The following CARMIL3 variants were observed in gnomAD, a reference collection of about 807,000 sequenced individuals.
CARMIL3 encodes capping protein, Arp2/3 and myosin-I linker protein 3.
Under a neutral mutation model 180.8 loss-of-function variants are expected in CARMIL3, and 88 were observed. The observed-to-expected ratio is 0.49, with a 90% CI of 0.41 to 0.58. CARMIL3 has a LOEUF of 0.58. Among genes scored for constraint, CARMIL3 ranks in the 20% least tolerant of loss-of-function variants. CARMIL3 has a pLI of 0.00. For synonymous variants in CARMIL3, 696 were observed against 714.5 expected (o/e 0.97, Z 0.41); for missense variants, 1,548 against 1,787.0 (o/e 0.87, Z 2.41).
At chr14:24,066,358 A>G (rs1566543485) in intron 34 of CARMIL3, 40 bp from the exon 35 acceptor site, 3 of 1,607,984 alleles carry the variant, frequency 1.9e-6, no homozygotes, top group Non-Finnish European at 2.6e-6. Flanking sequence ...GTCCTGCCAC[A>G]GAGGAGACTT....
chr14:24,062,903 C>T lies in CARMIL3; in HGVS notation c.2706+57C>T, dbSNP rs138299616. On this transcript the variant is annotated intron_variant, in intron 29 of 39. Transcript: ENST00000342740. ...AACCTGGGCCCTGCCCTTAAACCTG[C>T]ACAACACTGTCCCCTTCCACTGATC... The T allele has an allele frequency of 1.4e-4, 221 of 1,564,974 alleles. 1 individual carries two copies. The African/African-American group carries it at 2.6e-3, about 19-fold the overall frequency.
intron 33 of CARMIL3, 95 bp downstream of exon 33, chr14:24,065,368 G>C (rs2035776268): frequency 1.6e-6 from 2 of 1,245,412 alleles, no homozygotes; most frequent in Non-Finnish European, 1.1e-6. Flanking sequence ...GAGAATGCTA[G>C]GACCCAGGGT....
chr14:24,056,267 T>G (rs775482849), intron 10 of CARMIL3, 32 bp from the exon 11 acceptor site: 2 of 1,588,280 alleles, frequency 1.3e-6, no homozygotes, highest in South Asian at 2.2e-5. Flanking sequence ...GGGGCTCAGC[T>G]CAGGACAAAT....
At position 24,054,558 on chromosome 14, in the gene CARMIL3, A is replaced by T; in HGVS notation, c.362+47A>T. The T allele has an allele frequency of 6.4e-7, 1 of 1,563,554 alleles. No homozygotes were observed. Among genetic ancestry groups the T allele is most frequent in the African/African-American group, 1.4e-5 (1 of 74,016 alleles). On this transcript the variant is annotated intron_variant, in intron 5 of 39. Coordinates refer to ENST00000342740, the MANE Select transcript of CARMIL3 (RefSeq NM_138360.4). The surrounding 1 kb of genome is among the most constrained non-coding windows in gnomAD (Gnocchi z 5.1). Reference sequence around the variant, plus strand: ...TCTTAAGGCATTAGATGAGAGGGAGAGTTCATCCCTTCCTCCTTCCCCTGG... The same window carrying T: ...TCTTAAGGCATTAGATGAGAGGGAGTGTTCATCCCTTCCTCCTTCCCCTGG...
intron 38 of CARMIL3, 26 bp downstream of exon 38, chr14:24,068,992 G>C (rs2035825771): frequency 6.5e-7 from 1 of 1,540,452 alleles, no homozygotes; most frequent in Non-Finnish European, 8.8e-7. Context: ...TGAGTGGGGG[G>C]CTCAGGGCAC....
At chr14:24,056,528 G>A (rs2035673492) in intron 11 of CARMIL3, 94 bp from the exon 12 acceptor site, 2 of 1,478,870 alleles carry the variant, frequency 1.4e-6, no homozygotes, top group African/African-American at 1.4e-5. Flanking sequence ...TTGACCCAAG[G>A]CCTGTACCCT....
In CARMIL3 at chr14:24,059,213, G is replaced by A. The variant is rs1315941564; in HGVS notation, c.1626+24G>A. On this transcript the variant is annotated intron_variant, in intron 20 of 39. Transcript: ENST00000342740. This position sits in a 1 kb window ranked among gnomAD's most constrained non-coding sequence, Gnocchi z 6.3. ...GTGTGAGTGCCTGGGCCTGGGAGGG[G>A]ACCTGCAGTCGGAGGAGGCTGTGGG... The A allele has an allele frequency of 1.9e-5, 30 of 1,613,604 alleles. No homozygotes were observed. Among genetic ancestry groups the A allele is most frequent in the Non-Finnish European group, 2.5e-5 (30 of 1,179,926 alleles).
intron 33 of CARMIL3, 76 bp from the exon 34 acceptor site, chr14:24,065,546 C>T: frequency 1.3e-6 from 2 of 1,529,238 alleles, no homozygotes; most frequent in Non-Finnish European, 1.8e-6. Context: ...GGCAGGGGTC[C>T]TCCTGACAAC....
chr14:24,059,017 T>G lies in CARMIL3; in HGVS notation c.1571+31T>G. On this transcript the variant is annotated intron_variant, in intron 19 of 39. Transcript: ENST00000342740. The surrounding 1 kb of genome is among the most constrained non-coding windows in gnomAD (Gnocchi z 6.3). Reference sequence around the variant, plus strand: ...GCCCCCTTTCCATGCCCACAGACCCTCATCCCATCATTCACCCATCCTCTT... The same window carrying G: ...GCCCCCTTTCCATGCCCACAGACCCGCATCCCATCATTCACCCATCCTCTT... 2 of 1,611,040 alleles carry G rather than the reference T, an allele frequency of 1.2e-6. No individual in the cohort carries two copies. Among genetic ancestry groups the G allele is most frequent in the South Asian group, 2.2e-5 (2 of 90,720 alleles).
intron 29 of CARMIL3, 64 bp downstream of exon 29, chr14:24,062,910 C>G (rs1440785191): frequency 4.5e-6 from 7 of 1,558,270 alleles, no homozygotes; most frequent in Non-Finnish European, 6.1e-6. Flanking sequence ...CTGCACAACA[C>G]TGTCCCCTTC....
chr14:24,062,154 G>A (rs138776539), intron 27 of CARMIL3: 1 of 448,780 alleles, frequency 2.2e-6, no homozygotes, highest in African/African-American at 2.0e-5. Flanking sequence ...AACTAGCAGG[G>A]TTTAGTTACT....
intron 34 of CARMIL3, 146 bp from the exon 35 acceptor site, chr14:24,066,252 G>A: frequency 1.1e-6 from 1 of 878,888 alleles, no homozygotes; most frequent in South Asian, 1.7e-5. Context: ...GGGGAGGTAT[G>A]GGTGCCACTC....
chr14:24,060,532 C>T (rs2035722073), intron 24 of CARMIL3, 96 bp from the exon 25 acceptor site: 7 of 1,524,276 alleles, frequency 4.6e-6, no homozygotes, highest in Admixed American at 3.8e-5. Flanking sequence ...ACCTCCACCA[C>T]TGTCGGTGCC....
At chr14:24,055,174 C>A in intron 7 of CARMIL3, 38 bp downstream of exon 7, 1 of 1,613,876 alleles carries the variant, frequency 6.2e-7, no homozygotes, top group South Asian at 1.1e-5. Context: ...ACAGGTGGGA[C>A]CTGGAGGGAA....
At chr14:24,068,501 G>A in intron 36 of CARMIL3, 83 bp from the exon 37 acceptor site, 1 of 1,263,300 alleles carries the variant, frequency 7.9e-7, no homozygotes, top group Non-Finnish European at 1.1e-6. Context: ...CTGGCCTCCA[G>A]GGCTTCAGTG....
Position 24,055,133 on chromosome 14 carries a change from A to G in CARMIL3, c.528A>G (p.Gln176=), listed in dbSNP as rs537844742. The G allele has an allele frequency of 1.5e-5, 24 of 1,614,056 alleles. No individual in the cohort carries two copies. The highest frequency in any genetic ancestry group is 8.0e-5 in the African/African-American group (6 of 75,042). ...GGCTACACTGCCGTGAGGAGGTTCA[A>G]TGGGTATGTTGGGCAGGGACCCCAT... The part of the protein sequence containing the change: ...YNGLHCREEV[Q]WDVDTIYHAE... The change falls in exon 7 of 40, where the codon CAA becomes CAG. Residue 176 remains glutamine, a synonymous_variant. Coordinates refer to ENST00000342740, the MANE Select transcript of CARMIL3 (RefSeq NM_138360.4).
At position 24,066,634 on chromosome 14, in the gene CARMIL3, A is replaced by G. The variant is rs746683046; in HGVS notation, c.3660A>G (p.Arg1220=). The G allele has an allele frequency of 1.9e-6, 3 of 1,614,232 alleles. No individual in the cohort carries two copies. The highest frequency in any genetic ancestry group is 2.5e-6 in the Non-Finnish European group (3 of 1,180,038). The change falls in exon 36 of 40, where the codon AGA becomes AGG. Residue 1220 remains arginine (R), a synonymous_variant. Transcript: ENST00000342740. ...STKPSFSAMR[R]AEATWHIAEE... ...AACCAAGCTTCAGCGCCATGCGCAG[A>G]GCAGAGGCCACATGGCACATAGGTA...
In CARMIL3 at chr14:24,059,824, T is replaced by G; in HGVS notation, c.1868+92T>G. 4 of 1,540,208 alleles carry G rather than the reference T, an allele frequency of 2.6e-6. No individual in the cohort carries two copies. The East Asian group carries it at 9.0e-5, about 35-fold the overall frequency. On this transcript the variant is annotated intron_variant, in intron 22 of 39. Transcript: ENST00000342740. The surrounding 1 kb of genome is among the most constrained non-coding windows in gnomAD (Gnocchi z 6.3). ...CTACTCTTGCCCCACCCTAGCCCCT[T>G]TGACCTATTTGCACAGAAATTTTAG... is the stretch of plus-strand genomic sequence containing the variant.
chr14:24,059,209 A>AG lies in CARMIL3; in HGVS notation c.1626+24dup. The AG allele has an allele frequency of 1.2e-6, 2 of 1,613,510 alleles. No homozygotes were observed. Among genetic ancestry groups the AG allele is most frequent in the Non-Finnish European group, 8.5e-7 (1 of 1,179,858 alleles). ...GACTGTGTGAGTGCCTGGGCCTGGG[A>AG]GGGGACCTGCAGTCGGAGGAGGCTG... On this transcript the variant is annotated intron_variant, in intron 20 of 39. Transcript: ENST00000342740. This position sits in a 1 kb window ranked among gnomAD's most constrained non-coding sequence, Gnocchi z 6.3.
Sources: allele counts gnomAD v4.1 joint callset, GRCh38; gene constraint gnomAD v4.1.1; non-coding constraint Gnocchi (gnomAD v3.1); transcripts MANE v1.5; gene names NCBI Gene and HGNC (gene_info 2026-07-23, HGNC 2026-07-21).